The following COL6A3 variants were observed in gnomAD, a reference collection of about 807,000 sequenced individuals.
COL6A3 encodes collagen type VI alpha 3 chain.
Under a neutral mutation model 274.1 loss-of-function variants are expected in COL6A3, and 137 were observed. The observed-to-expected ratio is 0.50, with a 90% CI of 0.44 to 0.58. COL6A3 has a LOEUF of 0.58. COL6A3 is among the 20% of genes least tolerant of loss of function. The pLI, the probability that COL6A3 is intolerant of heterozygous loss-of-function variation, is 0.00. For missense variants in COL6A3, 3,950 were observed against 4,124.9 expected (o/e 0.96, Z 1.16); for synonymous variants, 1,650 against 1,650.6 (o/e 1.00, Z 0.01).
At chr2:237,406,987 G>A (rs986860840) in intron 1 of COL6A3, among the ~76,000 whole-genome samples, 3 of 137,506 alleles carry the variant, frequency 2.2e-5, no homozygotes, top group African/African-American at 8.4e-5. Flanking sequence ...AGAGCTTACT[G>A]CAGCTTCAAC....
chr2:237,364,275 G>T lies in COL6A3; in HGVS notation c.5917+75C>A. On this transcript the variant is annotated intron_variant, in intron 13 of 43. Transcript: ENST00000295550. This position sits in a 1 kb window ranked among gnomAD's most constrained non-coding sequence, Gnocchi z 4.6. ...CTTGGGGCGCTGCATTAGCAGAGAG[G>T]TTTCTCTCCAGCAGAGCAGTACACC... is the stretch of plus-strand genomic sequence containing the variant. 1 of 1,172,052 alleles carries T rather than the reference G, an allele frequency of 8.5e-7. No individual in the cohort carries two copies. The highest frequency in any genetic ancestry group is 1.3e-6 in the Non-Finnish European group (1 of 783,782). 72.6% of individuals were successfully genotyped at this position (1,172,052 alleles called of 1,614,324 possible).
intron 24 of COL6A3, among the ~76,000 whole-genome samples, chr2:237,354,514 A>T (rs1382059314): frequency 6.6e-6 from 1 of 152,150 alleles, no homozygotes; most frequent in Non-Finnish European, 1.5e-5. Flanking sequence ...CTGTGTATTC[A>T]GTGAAAGGCT....
Position 237,344,403 on chromosome 2 carries a change from T to C in COL6A3, c.7615A>G (p.Thr2539Ala), listed in dbSNP as rs1316275443. The C allele has an allele frequency of 2.5e-6, 4 of 1,614,030 alleles. No homozygotes were observed. The highest frequency in any genetic ancestry group is 3.4e-6 in the Non-Finnish European group (4 of 1,179,966). ...AVLKLSDAGI[T>A]PLFLTRQEDR... is the part of the protein sequence containing the mutation. ...TCCTGCCTTGTAAGGAACAAGGGGG[T>C]GATCCCCGCATCTGAGAGCTTGAGC... Residue 2539 changes from threonine to alanine, a missense_variant, in exon 36 of 44, where the codon ACC (threonine) becomes GCC (alanine). Coordinates refer to ENST00000295550, the MANE Select transcript of COL6A3 (RefSeq NM_004369.4). The surrounding 1 kb of genome is among the most constrained non-coding windows in gnomAD (Gnocchi z 4.8).
chr2:237,335,192 T>C (rs1271399754), intron 40 of COL6A3, among the ~76,000 whole-genome samples: 1 of 152,232 alleles, frequency 6.6e-6, no homozygotes, highest in Non-Finnish European at 1.5e-5. Context: ...TCCTAAGTTG[T>C]GTTTGCTACA....
At chr2:237,387,461 T>C (rs2078172060) in intron 4 of COL6A3, 121 bp downstream of exon 4, 2 of 1,452,856 alleles carry the variant, frequency 1.4e-6, no homozygotes, top group Non-Finnish European at 9.5e-7. Context: ...AGGGAAGGAC[T>C]GGACTGTGGG....
At chr2:237,343,568 A>C (rs1244002783) in intron 36 of COL6A3, 60 of 128,078 alleles carry the variant, frequency 4.7e-4, no homozygotes, top group African/African-American at 1.4e-3. Flanking sequence ...AAAAAAAAAA[A>C]AAAAAAAACA....
chr2:237,408,386 G>A (rs1340275815), intron 1 of COL6A3, among the ~76,000 whole-genome samples: 2 of 152,172 alleles, frequency 1.3e-5, no homozygotes, highest in Non-Finnish European at 2.9e-5. Flanking sequence ...ATGAATGATG[G>A]GTTTTCTGCA....
chr2:237,354,105 G>A (rs375426740), intron 24 of COL6A3, among the ~76,000 whole-genome samples: 4 of 150,866 alleles, frequency 2.7e-5, no homozygotes, highest in East Asian at 1.9e-4. Flanking sequence ...TCTGCCTCCC[G>A]GGTTCAAGTG....
chr2:237,379,407 G>A (rs2077944395), intron 5 of COL6A3, among the ~76,000 whole-genome samples, 172 bp from the exon 6 acceptor site: 1 of 152,174 alleles, frequency 6.6e-6, no homozygotes, highest in Non-Finnish European at 1.5e-5. Flanking sequence ...TTCCTCTGGT[G>A]GTGGCTGGTG....
chr2:237,387,963 C>T lies in COL6A3; in HGVS notation c.931G>A (p.Ala311Thr), dbSNP rs1209250273. 7.4e-6 allele frequency: 12 copies of T among 1,614,106 alleles called. No homozygotes were observed. Among genetic ancestry groups the T allele is most frequent in the Non-Finnish European group, 9.3e-6 (11 of 1,180,054 alleles). The change falls in exon 4 of 44, where the codon GCC (alanine) becomes ACC (threonine). Residue 311 changes from alanine to threonine, a missense_variant. Around this residue, in one of 5 missense-constraint regions of COL6A3, gnomAD observed 1,934 missense variants for 1,984.3 expected, o/e 0.97. Transcript: ENST00000295550. ...AACTCCCCACCAGCAAACCCGAGGG[C>T]TTTCACTGCACCCAGAACCTGGGCC... ...TKAQVLGAVK[A>T]LGFAGGELAN...
chr2:237,360,708 C>T (rs542269263), intron 16 of COL6A3, among the ~76,000 whole-genome samples: 2 of 152,304 alleles, frequency 1.3e-5, no homozygotes, highest in East Asian at 3.9e-4. Flanking sequence ...TACTGATGAT[C>T]TGATCCAGCA....
chr2:237,378,721 G>T lies in COL6A3; in HGVS notation c.2412C>A (p.Ser804=). 1 of 1,614,016 alleles carries T rather than the reference G, an allele frequency of 6.2e-7. No homozygotes were observed. The highest frequency in any genetic ancestry group is 8.5e-7 in the Non-Finnish European group (1 of 1,180,046). ...SLVYLMDDFS[S]LPALPQQLIQ... ...TCAGCTGCTGAGGCAAAGCTGGCAGGGAGCTGAAATCATCCATGAGATACA... is the reference window on the plus strand; with the variant it reads ...TCAGCTGCTGAGGCAAAGCTGGCAGTGAGCTGAAATCATCCATGAGATACA... The change falls in exon 6 of 44, where the codon TCC becomes TCA. Residue 804 remains serine (S), a synonymous_variant. Transcript: ENST00000295550.
At chr2:237,388,315 G>T in intron 3 of COL6A3, 131 bp from the exon 4 acceptor site, 2 of 1,139,676 alleles carry the variant, frequency 1.8e-6, no homozygotes, top group Non-Finnish European at 2.5e-6. Context: ...AACACATGTT[G>T]ATGAAGGAAT....
In COL6A3 at chr2:237,371,349, C is replaced by A. The variant is rs546369454; in HGVS notation, c.4285+383G>T. On this transcript the variant is annotated intron_variant, in intron 9 of 43. Transcript: ENST00000295550. The surrounding 1 kb of genome is among the most constrained non-coding windows in gnomAD (Gnocchi z 4.3). The stretch of plus-strand genomic sequence containing the variant: ...CGGTGTCTCAGGCCTGTAATCCCAG[C>A]ACTTTGGGAGGCCGCAGCAGGTGGA... Among the ~76,000 whole-genome samples the A allele has an allele frequency of 6.6e-6, 1 of 152,276 alleles. No individual in the cohort carries two copies. Among genetic ancestry groups the A allele is most frequent in the East Asian group, 1.9e-4 (1 of 5,178 alleles).
chr2:237,365,385 C>A (rs929337425), intron 12 of COL6A3, among the ~76,000 whole-genome samples: 2 of 152,034 alleles, frequency 1.3e-5, no homozygotes, highest in African/African-American at 4.8e-5. Flanking sequence ...CATGCATGCA[C>A]ACATACACAC....
rs775200499 is a variant in COL6A3, at chr2:237,340,500, C to T, written c.8416G>A (p.Glu2806Lys). 43 of 1,613,964 alleles carry T rather than the reference C, an allele frequency of 2.7e-5. No homozygotes were observed. The highest frequency in any genetic ancestry group is 4.5e-5 in the East Asian group (2 of 44,896). ...KLVDKSTELN[E>K]EPLMRFGRLL... ...CTCCCGAAGCGCATCAAAGGCTCCT[C>T]GTTGAGCTCGGTGGACTTGTCCACT... is the stretch of plus-strand genomic sequence containing the variant. The change falls in exon 38 of 44, where the codon GAG (glutamate) becomes AAG (lysine). Residue 2806 changes from glutamate to lysine, a missense_variant. Coordinates refer to ENST00000295550, the MANE Select transcript of COL6A3 (RefSeq NM_004369.4).
At position 237,371,574 on chromosome 2, in the gene COL6A3, G is replaced by A. The variant is rs2077686992; in HGVS notation, c.4285+158C>T. 1.4e-6 allele frequency: 2 copies of A among 1,461,708 alleles called. No individual in the cohort carries two copies. The highest frequency in any genetic ancestry group is 3.0e-5 in the South Asian group (2 of 67,130). The allele number at this position is 1,461,708 out of a possible 1,614,324, so 90.5% of individuals were successfully genotyped here. On this transcript the variant is annotated intron_variant, in intron 9 of 43. Coordinates refer to ENST00000295550, the MANE Select transcript of COL6A3 (RefSeq NM_004369.4). The surrounding 1 kb of genome is among the most constrained non-coding windows in gnomAD (Gnocchi z 4.3). ...GATCATGCCACTGCACTCCAGCCTGGACGACAGAGCCAGACCCTGTCTCAA... is the reference window on the plus strand; with the variant it reads ...GATCATGCCACTGCACTCCAGCCTGAACGACAGAGCCAGACCCTGTCTCAA...
In COL6A3 at chr2:237,378,731, T is replaced by C; in HGVS notation, c.2402A>G (p.Asp801Gly). The C allele has an allele frequency of 6.2e-7, 1 of 1,614,068 alleles. No individual in the cohort carries two copies. The highest frequency in any genetic ancestry group is 8.5e-7 in the Non-Finnish European group (1 of 1,180,036). ...AGGCAAAGCTGGCAGGGAGCTGAAATCATCCATGAGATACACCAGGCTTGG... is the reference window on the plus strand; with the variant it reads ...AGGCAAAGCTGGCAGGGAGCTGAAACCATCCATGAGATACACCAGGCTTGG... ...FNPSLVYLMD[D>G]FSSLPALPQQ... is the part of the protein sequence containing the mutation. The change falls in exon 6 of 44, where the codon GAT becomes GGT. Residue 801 changes from aspartate (D) to glycine (G), a missense_variant. Coordinates refer to ENST00000295550, the MANE Select transcript of COL6A3 (RefSeq NM_004369.4).
At chr2:237,349,672 T>G (rs1208054668) in intron 28 of COL6A3, among the ~76,000 whole-genome samples, 1 of 152,242 alleles carries the variant, frequency 6.6e-6, no homozygotes, top group African/African-American at 2.4e-5. Flanking sequence ...TGGGGCATTT[T>G]TAAATAGCAT....
Sources: gnomAD v4.1 joint callset for allele counts (sites outside exome capture counted in the v4.1 genomes callset) on GRCh38, gnomAD v4.1.1 for gene constraint, gnomAD v4.1.1 regional missense constraint, Gnocchi (gnomAD v3.1) non-coding constraint, MANE v1.5 for transcripts, NCBI Gene and HGNC (gene_info 2026-07-23, HGNC 2026-07-21) for gene names.